Variants in MIDEAS observed in about 807,000 individuals in gnomAD.
The protein encoded by MIDEAS is mitotic deacetylase-associated SANT domain protein.
Under a neutral mutation model 102.7 loss-of-function variants are expected in MIDEAS, and 26 were observed. The observed-to-expected ratio is 0.25, with a 90% CI of 0.19 to 0.35. The LOEUF is 0.35. MIDEAS is among the 10% of genes least tolerant of loss of function. MIDEAS has a pLI of 1.00. For synonymous variants in MIDEAS, 585 were observed against 591.0 expected, an observed-to-expected ratio of 0.99 and a Z score of 0.15; for missense variants, 1,231 against 1,435.6, an observed-to-expected ratio of 0.86 and a Z score of 2.30.
Position 73,725,631 on chromosome 14 carries a change from T to C in MIDEAS, c.2486-271A>G, listed in dbSNP as rs532538013. 2.0e-5 allele frequency among the ~76,000 whole-genome samples: 3 copies of C among 152,338 alleles called. No individual in the cohort carries two copies. In the East Asian group the frequency reaches 5.8e-4, roughly 29 times the overall value. On this transcript the variant is annotated intron_variant, in intron 8 of 12. Transcript: ENST00000423556. This position sits in a 1 kb window ranked among gnomAD's most constrained non-coding sequence, Gnocchi z 4.1. ...TGCTCTGCCTGGTGCAGATGAAATG[T>C]AGCACTAACATGCATGGAAAACATT...
chr14:73,763,886 C>G (rs2053572242), upstream of MIDEAS, among the ~76,000 whole-genome samples: 1 of 152,114 alleles, frequency 6.6e-6, no homozygotes, highest in Non-Finnish European at 1.5e-5. Flanking sequence ...ATTGCATGAA[C>G]AACGAAAGGA....
Position 73,719,432 on chromosome 14 carries a change from C to T in MIDEAS, c.3007G>A (p.Glu1003Lys). 1 of 1,614,098 alleles carries T rather than the reference C, an allele frequency of 6.2e-7. No individual in the cohort carries two copies. The highest frequency in any genetic ancestry group is 8.5e-7 in the Non-Finnish European group (1 of 1,180,012). ...APGSAGGQAS[E>K]KPREGTGKSR... Reference sequence around the variant, plus strand: ...TTCCCTGTCCCTTCCCTTGGCTTCTCCGAGGCCTGGCCACCGGCAGACCCA... The same window carrying T: ...TTCCCTGTCCCTTCCCTTGGCTTCTTCGAGGCCTGGCCACCGGCAGACCCA... The change falls in exon 12 of 13, where the codon GAG (glutamate) becomes AAG (lysine). Residue 1003 changes from glutamate (E) to lysine (K), a missense_variant. Coordinates refer to ENST00000423556, the MANE Select transcript of MIDEAS (RefSeq NM_001367710.1).
At chr14:73,746,577 C>A (rs2053354506) in intron 1 of MIDEAS, among the ~76,000 whole-genome samples, 1 of 152,188 alleles carries the variant, frequency 6.6e-6, no homozygotes, top group African/African-American at 2.4e-5. Context: ...TCTCTATGCC[C>A]TATACAGCTC....
chr14:73,721,692 AAG>A, intron 10 of MIDEAS, 183 bp from the exon 11 acceptor site: 1 of 594,544 alleles, frequency 1.7e-6, no homozygotes, highest in Non-Finnish European at 3.0e-6. Flanking sequence ...ATGGGGACAG[AAG>A]AGTCTCAAGC....
At chr14:73,748,537 GAAAAA>G (rs2053381662) in intron 1 of MIDEAS, among the ~76,000 whole-genome samples, 1 of 144,968 alleles carries the variant, frequency 6.9e-6, no homozygotes, top group Non-Finnish European at 1.5e-5. Context: ...TACCAAAAAA[GAAAAA>G]AGAAAGCAAG....
intron 1 of MIDEAS, among the ~76,000 whole-genome samples, chr14:73,752,945 C>T (rs999191211): frequency 6.6e-6 from 1 of 152,164 alleles, no homozygotes; most frequent in African/African-American, 2.4e-5. Context: ...GAATGATGGG[C>T]CCCAGGTCAG....
At chr14:73,775,177 C>G (rs1231569713) in intron 1 of MIDEAS, among the ~76,000 whole-genome samples, 1 of 151,846 alleles carries the variant, frequency 6.6e-6, no homozygotes, top group African/African-American at 2.4e-5. Context: ...AAGAGGCCGG[C>G]TGGAACAAAA....
At chr14:73,752,834 C>G (rs2053437188) in intron 1 of MIDEAS, among the ~76,000 whole-genome samples, 1 of 152,250 alleles carries the variant, frequency 6.6e-6, no homozygotes, top group African/African-American at 2.4e-5. Context: ...CTGAAATACA[C>G]CCAGAGGCCT....
At chr14:73,780,174 G>A (rs560360468) in intron 1 of MIDEAS, among the ~76,000 whole-genome samples, 3 of 148,568 alleles carry the variant, frequency 2.0e-5, no homozygotes, top group Non-Finnish European at 3.0e-5. Context: ...GCGCCCGGCC[G>A]ATTATATTTT....
chr14:73,778,319 C>T (rs1879353079), intron 1 of MIDEAS, among the ~76,000 whole-genome samples: 1 of 151,052 alleles, frequency 6.6e-6, no homozygotes, highest in South Asian at 2.1e-4. Flanking sequence ...GCTGAGATTG[C>T]GCCACTGCAC....
chr14:73,775,620 G>A (rs762740562), intron 1 of MIDEAS, among the ~76,000 whole-genome samples: 4 of 152,050 alleles, frequency 2.6e-5, no homozygotes, highest in Admixed American at 6.5e-5. Context: ...GCAGCTTCCC[G>A]CTTTCCCAGG....
upstream of MIDEAS, chr14:73,788,887 T>G (rs965741075): frequency 5.3e-5 from 8 of 152,262 alleles, no homozygotes; most frequent in South Asian, 4.1e-4. Flanking sequence ...ATATTTTTTT[T>G]GTTCCATATG....
intron 1 of MIDEAS, among the ~76,000 whole-genome samples, chr14:73,770,890 C>T (rs149708068): frequency 1.3e-5 from 2 of 152,126 alleles, no homozygotes; most frequent in African/African-American, 4.8e-5. Flanking sequence ...GGCCTGGGCT[C>T]GAGAAGGCAG....
upstream of MIDEAS, among the ~76,000 whole-genome samples, chr14:73,760,458 C>G (rs1242688272): frequency 2.0e-5 from 3 of 152,256 alleles, no homozygotes; most frequent in Non-Finnish European, 4.4e-5. The surrounding 1 kb of genome is among the most constrained non-coding windows in gnomAD (Gnocchi z 4.8). Flanking sequence ...TCGCCGTCCC[C>G]ATCCCCCGCC....
chr14:73,771,319 A>T (rs1035206405), intron 1 of MIDEAS, among the ~76,000 whole-genome samples: 2 of 152,156 alleles, frequency 1.3e-5, no homozygotes, highest in Admixed American at 1.3e-4. Flanking sequence ...CTCCACACGC[A>T]TTCTGTCGGG....
intron 1 of MIDEAS, among the ~76,000 whole-genome samples, chr14:73,785,670 T>C (rs1263158283): frequency 6.6e-6 from 1 of 152,178 alleles, no homozygotes; most frequent in East Asian, 1.9e-4. Context: ...CAAACAGCTT[T>C]CCCGTTTAGA....
In MIDEAS at chr14:73,722,899, C is replaced by G. The variant is rs546562077; in HGVS notation, c.2575-52G>C. The G allele has an allele frequency of 1.1e-4, 181 of 1,593,060 alleles. No homozygotes were observed. In the South Asian group the frequency reaches 1.9e-3, roughly 17 times the overall value. On this transcript the variant is annotated intron_variant, in intron 9 of 12. Coordinates refer to ENST00000423556, the MANE Select transcript of MIDEAS (RefSeq NM_001367710.1). ...GAACCCTCTGGTTTGGCTCATCTGCCTGTGGAGAATCCAGCCTTTCTCGTC... is the reference window on the plus strand; with the variant it reads ...GAACCCTCTGGTTTGGCTCATCTGCGTGTGGAGAATCCAGCCTTTCTCGTC...
At chr14:73,749,250 G>C (rs2140139939) in intron 1 of MIDEAS, among the ~76,000 whole-genome samples, 1 of 150,756 alleles carries the variant, frequency 6.6e-6, no homozygotes, top group East Asian at 2.0e-4. Context: ...TTTTAAAAAA[G>C]AGCAGGCCCG....
chr14:73,766,914 G>A (rs968546611), intron 1 of MIDEAS, among the ~76,000 whole-genome samples: 9 of 143,042 alleles, frequency 6.3e-5, no homozygotes, highest in African/African-American at 1.8e-4. Flanking sequence ...GGAGTGCAGC[G>A]TCATGATCTC....
Sources: gnomAD v4.1 joint callset for allele counts (sites outside exome capture counted in the v4.1 genomes callset) on GRCh38, gnomAD v4.1.1 for gene constraint, Gnocchi (gnomAD v3.1) non-coding constraint, MANE v1.5 for transcripts, NCBI Gene and HGNC (gene_info 2026-07-23, HGNC 2026-07-21) for gene names.